Variants in TP53BP1 observed in about 807,000 individuals in gnomAD.
TP53BP1 encodes the protein tumor protein p53 binding protein 1.
A neutral mutation model predicts 200.8 loss-of-function variants in TP53BP1; 61 were observed. That is an observed-to-expected ratio of 0.30 (90% CI 0.25 to 0.38). The LOEUF is 0.38. Ranked by LOEUF, TP53BP1 falls within the 10% of genes least tolerant of loss-of-function variation. The probability of loss-of-function intolerance (pLI) is 1.00; values close to 1 mark genes in which losing one functional copy is unlikely to be tolerated. For synonymous variants in TP53BP1, 822 were observed against 844.3 expected, an observed-to-expected ratio of 0.97 and a Z score of 0.46; for missense variants, 2,144 against 2,371.9, an observed-to-expected ratio of 0.90 and a Z score of 2.00.
At chr15:43,454,425 G>A (rs953858797) in intron 12 of TP53BP1, among the ~76,000 whole-genome samples, 2 of 151,182 alleles carry the variant, frequency 1.3e-5, no homozygotes, top group Non-Finnish European at 2.9e-5. Flanking sequence ...GTGCAATGGC[G>A]CAATCTCAGC....
Position 43,405,430 on chromosome 15 carries a change from G to A in TP53BP1, c.*1953C>T. On this transcript the variant is annotated 3_prime_UTR_variant, in exon 28 of 28. Transcript: ENST00000382044. ...TCTCTCCCATCAAGGAGAACATGTG[G>A]CATCTCTGATCCTTTACATTGAGAA... 1 of 601,250 alleles carries A rather than the reference G, an allele frequency of 1.7e-6. No homozygotes were observed. The highest frequency in any genetic ancestry group is 3.0e-6 in the Non-Finnish European group (1 of 337,910). The allele number at this position is 601,250 out of a possible 1,614,324, so 37.2% of individuals were successfully genotyped here.
intron 24 of TP53BP1, chr15:43,412,781 G>GCTCT (rs2045155501): frequency 4.2e-6 from 2 of 476,958 alleles, no homozygotes; most frequent in Non-Finnish European, 8.7e-6. Context: ...AAATGACAGA[G>GCTCT]CTCTAGTCAC....
intron 6 of TP53BP1, 122 bp from the exon 7 acceptor site, chr15:43,479,648 C>T (rs760590514): frequency 8.3e-7 from 1 of 1,204,926 alleles, no homozygotes; most frequent in South Asian, 1.6e-5. Flanking sequence ...TATATACAGG[C>T]ATCAGTCTAT....
intron 1 of TP53BP1, among the ~76,000 whole-genome samples, chr15:43,508,776 G>A (rs1186239364): frequency 6.6e-6 from 1 of 152,142 alleles, no homozygotes; most frequent in Non-Finnish European, 1.5e-5. Flanking sequence ...TCAGACTTTG[G>A]CAGTGAGCCT....
rs896571702 is a variant in TP53BP1 at position 43,493,101 on chromosome 15, T to G, written c.-58A>C. 8 of 1,605,278 alleles carry G rather than the reference T, an allele frequency of 5.0e-6. No homozygotes were observed. In the Admixed American group the frequency reaches 8.5e-5, roughly 17 times the overall value. ...GGTCTCTGCACGCTCCCCAAGTCCC[T>G]CCAGATCGATCCCTAGGTCGCCGCT... On this transcript the variant is annotated 5_prime_UTR_variant, in exon 1 of 28. Coordinates refer to ENST00000382044, the MANE Select transcript of TP53BP1 (RefSeq NM_001141980.3).
chr15:43,411,760 C>T (rs752846739), intron 24 of TP53BP1, among the ~76,000 whole-genome samples: 6 of 152,330 alleles, frequency 3.9e-5, no homozygotes, highest in Non-Finnish European at 8.8e-5. Flanking sequence ...TTTATGAGTA[C>T]AGTTTTATTA....
At chr15:43,453,370 A>G (rs2046217691) in intron 12 of TP53BP1, among the ~76,000 whole-genome samples, 1 of 152,090 alleles carries the variant, frequency 6.6e-6, no homozygotes. Context: ...AGCTCTTCAG[A>G]ATCAAATAAT....
upstream of TP53BP1, among the ~76,000 whole-genome samples, chr15:43,494,264 C>G (rs973402031): frequency 6.6e-6 from 1 of 152,166 alleles, no homozygotes; most frequent in African/African-American, 2.4e-5. Flanking sequence ...TTCGGCACAG[C>G]CCAACCATGA....
chr15:43,439,012 T>C (rs2045866821), intron 15 of TP53BP1, among the ~76,000 whole-genome samples: 1 of 152,120 alleles, frequency 6.6e-6, no homozygotes, highest in South Asian at 2.1e-4. Context: ...GATAAAATTA[T>C]ATAATGCTGA....
chr15:43,466,451 A>G (rs1247246325), intron 11 of TP53BP1, among the ~76,000 whole-genome samples: 6 of 152,240 alleles, frequency 3.9e-5, no homozygotes, highest in Admixed American at 6.5e-5. Flanking sequence ...ACTATTAATA[A>G]TATGTCATAG....
At chr15:43,418,374 T>A (rs558462503) in intron 21 of TP53BP1, among the ~76,000 whole-genome samples, 162 of 143,494 alleles carry the variant, frequency 1.1e-3, no homozygotes, top group Non-Finnish European at 1.9e-3. Context: ...TGGTGGTGCG[T>A]GCCTGTAAAC....
At chr15:43,417,167 A>T (rs1320654259) in intron 21 of TP53BP1, 1 of 152,246 alleles carries the variant, frequency 6.6e-6, no homozygotes, top group Non-Finnish European at 1.5e-5. Flanking sequence ...ACACACACAC[A>T]TACTATAGCT....
In TP53BP1 at chr15:43,421,953, G is replaced by C. The variant is rs1258399200; in HGVS notation, c.4002C>G (p.Ser1334Arg). The C allele has an allele frequency of 1.9e-6, 3 of 1,614,156 alleles. No homozygotes were observed. Among genetic ancestry groups the C allele is most frequent in the Non-Finnish European group, 2.5e-6 (3 of 1,180,030 alleles). The change falls in exon 19 of 28, where the codon AGC (serine) becomes AGG (arginine). Residue 1334 changes from serine to arginine, a missense_variant. Transcript: ENST00000382044. ...TSLSAMHSSG[S>R]SGKGAGPLRG... ...TGAGTGGTCCGGCTCCTTTCCCTGA[G>C]CTTCCACTGCTGTGCATAGCTGAGA...
At chr15:43,480,429 C>G (rs932378926) in intron 5 of TP53BP1, among the ~76,000 whole-genome samples, 1 of 151,788 alleles carries the variant, frequency 6.6e-6, no homozygotes, top group Non-Finnish European at 1.5e-5. Flanking sequence ...ACCTGGGCAA[C>G]AGAGCAAGAC....
chr15:43,432,913 T>A (rs965901161), intron 16 of TP53BP1, among the ~76,000 whole-genome samples: 1 of 152,068 alleles, frequency 6.6e-6, no homozygotes, highest in African/African-American at 2.4e-5. Flanking sequence ...TCCACCATGA[T>A]GATAAAAGAG....
Position 43,405,150 on chromosome 15 carries a change from G to A in TP53BP1, c.*2233C>T, listed in dbSNP as rs1485726140. 6.2e-7 allele frequency: 1 copy of A among 1,604,990 alleles called. No individual in the cohort carries two copies. The highest frequency in any genetic ancestry group is 1.3e-5 in the African/African-American group (1 of 74,640). On this transcript the variant is annotated 3_prime_UTR_variant, in exon 28 of 28. Transcript: ENST00000382044. ...TTATCCTGATTCATATTTCTTTGAA[G>A]GTAGTCTTGGGAAAGCATGACACTT...
At chr15:43,438,069 T>C (rs2045840608) in intron 16 of TP53BP1, among the ~76,000 whole-genome samples, 2 of 152,252 alleles carry the variant, frequency 1.3e-5, no homozygotes, top group African/African-American at 4.8e-5. Flanking sequence ...AATTAACCCA[T>C]GCTCACGGCA....
At chr15:43,441,609 G>A in intron 14 of TP53BP1, 26 bp from the exon 15 acceptor site, 1 of 1,555,894 alleles carries the variant, frequency 6.4e-7, no homozygotes, top group Non-Finnish European at 8.9e-7. Flanking sequence ...ACCAAGGAGA[G>A]AAAGGAAAGA....
intron 12 of TP53BP1, among the ~76,000 whole-genome samples, chr15:43,449,812 T>C (rs2046126308): frequency 6.6e-6 from 1 of 152,204 alleles, no homozygotes; most frequent in African/African-American, 2.4e-5. Flanking sequence ...TTCAACTAAC[T>C]AGTAGCAGCC....
Sources: allele counts gnomAD v4.1 joint callset (sites outside exome capture counted in the v4.1 genomes callset), GRCh38; gene constraint gnomAD v4.1.1; transcripts MANE v1.5; gene names NCBI Gene and HGNC (gene_info 2026-07-23, HGNC 2026-07-21).